The following SMARCA4 variants were observed in gnomAD, a reference collection of about 807,000 sequenced individuals.
SMARCA4 encodes SWI/SNF related BAF chromatin remodeling complex subunit ATPase 4.
In SMARCA4, 31 loss-of-function variants were observed where a neutral mutation model predicts 193.9. The ratio of observed to expected loss-of-function variants is 0.16; its 90% CI spans 0.12 to 0.22. The LOEUF (loss-of-function observed/expected upper bound fraction) is 0.22, where lower values mean the gene tolerates loss of function less well. Ranked by LOEUF, SMARCA4 falls within the 10% of genes least tolerant of loss-of-function variation. The pLI is 1.00. For synonymous variants in SMARCA4, 942 were observed against 933.1 expected (o/e 1.01, Z -0.17); for missense variants, 1,148 against 2,296.0 (o/e 0.50, Z 10.22).
At chr19:11,049,537 T>G (rs951628023) in intron 30 of SMARCA4, among the ~76,000 whole-genome samples, 2 of 148,804 alleles carry the variant, frequency 1.3e-5, no homozygotes. Flanking sequence ...CAGGCTGGAG[T>G]GCAGTGGCAC....
At chr19:10,992,676 C>T (rs1165555240) in intron 8 of SMARCA4, among the ~76,000 whole-genome samples, 3 of 150,692 alleles carry the variant, frequency 2.0e-5, no homozygotes, top group Non-Finnish European at 4.4e-5. Context: ...ACAACCTCTG[C>T]CTCCTGGGTT....
chr19:10,982,405 C>T (rs932319265), intron 1 of SMARCA4, among the ~76,000 whole-genome samples: 4 of 152,032 alleles, frequency 2.6e-5, no homozygotes, highest in South Asian at 4.2e-4. Context: ...ACCTGGGAGG[C>T]GGAGGTTGCC....
intron 6 of SMARCA4, among the ~76,000 whole-genome samples, chr19:10,988,435 A>T (rs992652892): frequency 2.0e-5 from 3 of 152,186 alleles, no homozygotes; most frequent in Non-Finnish European, 4.4e-5. Flanking sequence ...TTGATATCAG[A>T]TCTACTCCGT....
At chr19:11,007,881 C>T (rs1374840710) in intron 13 of SMARCA4, 21 bp from the exon 14 acceptor site, 3 of 1,612,938 alleles carry the variant, frequency 1.9e-6, no homozygotes, top group South Asian at 1.1e-5. Flanking sequence ...ACTGAGGTGA[C>T]ATGGGCTTGT....
chr19:11,007,344 C>T (rs780633771), intron 13 of SMARCA4, among the ~76,000 whole-genome samples: 18 of 150,716 alleles, frequency 1.2e-4, no homozygotes, highest in South Asian at 6.3e-4. Context: ...GCAGGAGAAT[C>T]GCTTGAACCT....
In SMARCA4 at chr19:10,986,998, C is replaced by G. The variant is rs2145798181; in HGVS notation, c.854C>G (p.Pro285Arg). The change falls in exon 5 of 35, where the codon CCT becomes CGT. Residue 285 changes from proline to arginine, a missense_variant. By Grantham distance (103) the Pro-to-Arg change is moderately radical. This residue lies in a region of SMARCA4 where 257 missense variants were observed against 276.5 expected (regional missense o/e 0.93). Coordinates refer to ENST00000344626, the MANE Select transcript of SMARCA4 (RefSeq NM_003072.5). This position sits in a 1 kb window ranked among gnomAD's most constrained non-coding sequence, Gnocchi z 6.7. ...QPPGGPPKPW[P>R]EGPMANAAAP... ...CCTGGAGGGCCTCCCAAGCCCTGGC[C>G]TGAAGGTGAGCTCCCTCTTCTATGG... is the stretch of plus-strand genomic sequence containing the variant. The G allele has an allele frequency of 6.2e-7, 1 of 1,602,846 alleles. No homozygotes were observed. Among genetic ancestry groups the G allele is most frequent in the Non-Finnish European group, 8.5e-7 (1 of 1,178,140 alleles).
At chr19:11,053,407 G>C (rs1391930264) in intron 30 of SMARCA4, among the ~76,000 whole-genome samples, 1 of 143,060 alleles carries the variant, frequency 7.0e-6, no homozygotes, top group Non-Finnish European at 1.5e-5. Context: ...AGCCAAGATT[G>C]CACCACTGCA....
chr19:11,050,214 C>T (rs907291883), intron 30 of SMARCA4, among the ~76,000 whole-genome samples: 1 of 152,256 alleles, frequency 6.6e-6, no homozygotes, highest in East Asian at 1.9e-4. Context: ...AGACTATGCT[C>T]GGGCAGCTCG....
chr19:11,023,454 A>G (rs2090017520), intron 19 of SMARCA4, 64 bp from the exon 20 acceptor site: 1 of 1,041,472 alleles, frequency 9.6e-7, no homozygotes, highest in Non-Finnish European at 1.5e-6. Flanking sequence ...CGCACCTTCT[A>G]GTGAGACCTC....
At chr19:11,009,385 G>A (rs1371432397) in intron 14 of SMARCA4, among the ~76,000 whole-genome samples, 1 of 152,094 alleles carries the variant, frequency 6.6e-6, no homozygotes, top group Non-Finnish European at 1.5e-5. Flanking sequence ...TAACAGCTCT[G>A]GTTTTGTATG....
At chr19:10,965,282 A>C (rs1389601066) in intron 1 of SMARCA4, 1 of 152,128 alleles carries the variant, frequency 6.6e-6, no homozygotes, top group Non-Finnish European at 1.5e-5. Context: ...CTTGACTTGC[A>C]AAGGGGGACA....
intron 1 of SMARCA4, among the ~76,000 whole-genome samples, chr19:10,981,428 A>G (rs1182214437): frequency 6.6e-6 from 1 of 152,254 alleles, no homozygotes; most frequent in African/African-American, 2.4e-5. Flanking sequence ...GGCATCTCAT[A>G]ATCAGACAGA....
At chr19:10,964,656 C>T (rs189516905) in intron 1 of SMARCA4, among the ~76,000 whole-genome samples, 30 of 142,756 alleles carry the variant, frequency 2.1e-4, no homozygotes, top group Non-Finnish European at 3.7e-4. Context: ...GTCATTCTGT[C>T]GCCCAGGCTG....
intron 13 of SMARCA4, 34 bp downstream of exon 13, chr19:11,003,431 A>G (rs775917392): frequency 6.3e-7 from 1 of 1,581,588 alleles, no homozygotes; most frequent in Non-Finnish European, 8.7e-7. Context: ...CAAGGCTCTC[A>G]GTGCCCACTG....
intron 29 of SMARCA4, among the ~76,000 whole-genome samples, chr19:11,036,932 G>A (rs1392671432): frequency 1.3e-5 from 2 of 152,178 alleles, no homozygotes; most frequent in African/African-American, 4.8e-5. Flanking sequence ...TTCACGCAAT[G>A]TAACATGCTG....
chr19:11,057,762 C>T (rs1953123374), intron 30 of SMARCA4, among the ~76,000 whole-genome samples: 1 of 151,876 alleles, frequency 6.6e-6, no homozygotes, highest in Non-Finnish European at 1.5e-5. Context: ...GTATCACAGG[C>T]CTGTTTGTGT....
chr19:11,019,413 T>C lies in SMARCA4; in HGVS notation c.2506-178T>C. ...TTCCTCTTCCCCCTGCAGCGCGTGT[T>C]CTGCGTGGTGAGGTCTGGGGACGCG... is the stretch of plus-strand genomic sequence containing the variant. On this transcript the variant is annotated intron_variant, in intron 17 of 34. Coordinates refer to ENST00000344626, the MANE Select transcript of SMARCA4 (RefSeq NM_003072.5). This position sits in a 1 kb window ranked among gnomAD's most constrained non-coding sequence, Gnocchi z 6.1. 2 of 633,592 alleles carry C rather than the reference T, an allele frequency of 3.2e-6. No individual in the cohort carries two copies. The highest frequency in any genetic ancestry group is 5.7e-6 in the Non-Finnish European group (2 of 350,810). The allele number at this position is 633,592 out of a possible 1,614,324, so 39.2% of individuals were successfully genotyped here.
intron 1 of SMARCA4, among the ~76,000 whole-genome samples, chr19:10,970,113 TAGGATGGGGCTCCTAGATAGCCC>T (rs1487574347): frequency 1.3e-5 from 2 of 152,178 alleles, no homozygotes; most frequent in Non-Finnish European, 2.9e-5. Context: ...TGAGGTGATT[TAGGATGGGGCTCCTAGATAGCCC>T]AGGATGGGGC....
intron 11 of SMARCA4, among the ~76,000 whole-genome samples, chr19:10,999,971 A>G (rs1038843020): frequency 6.6e-6 from 1 of 151,926 alleles, no homozygotes; most frequent in Non-Finnish European, 1.5e-5. Flanking sequence ...CATGCCTGTA[A>G]TCCCAGCACT....
Sources: allele counts gnomAD v4.1 joint callset (sites outside exome capture counted in the v4.1 genomes callset), GRCh38; gene constraint gnomAD v4.1.1; regional missense constraint gnomAD v4.1.1; non-coding constraint Gnocchi (gnomAD v3.1); transcripts MANE v1.5; gene names NCBI Gene and HGNC (gene_info 2026-07-23, HGNC 2026-07-21).